KCNC2: variants seen among roughly 807,000 people sequenced by gnomAD.
The protein encoded by KCNC2 is potassium voltage-gated channel subfamily C member 2.
Under a neutral mutation model 44.5 loss-of-function variants are expected in KCNC2, and 21 were observed. The observed-to-expected ratio is 0.47, with a 90% CI of 0.33 to 0.68. The LOEUF is 0.68. KCNC2 is among the 30% of genes least tolerant of loss of function. KCNC2 has a pLI of 0.01. For synonymous variants in KCNC2, 391 were observed against 339.1 expected, an observed-to-expected ratio of 1.15 and a Z score of -1.68; for missense variants, 589 against 826.2, an observed-to-expected ratio of 0.71 and a Z score of 3.52.
chr12:75,169,483 T>C (rs1174187080), intron 2 of KCNC2, among the ~76,000 whole-genome samples: 1 of 151,588 alleles, frequency 6.6e-6, no homozygotes, highest in Non-Finnish European at 1.5e-5. Flanking sequence ...AAAAGAGATA[T>C]AGGAAGATGG....
intron 2 of KCNC2, among the ~76,000 whole-genome samples, chr12:75,118,352 C>A (rs1378963570): frequency 6.6e-6 from 1 of 151,936 alleles, no homozygotes; most frequent in Non-Finnish European, 1.5e-5. Context: ...AGCAGGTAAA[C>A]AAATAAATTT....
intron 2 of KCNC2, among the ~76,000 whole-genome samples, chr12:75,086,660 CAAA>C (rs751242858): frequency 2.6e-5 from 3 of 116,996 alleles, no homozygotes; most frequent in African/African-American, 6.1e-5. Flanking sequence ...GTTCATTTGG[CAAA>C]AAAAAAAAAA....
intron 2 of KCNC2, among the ~76,000 whole-genome samples, chr12:75,167,416 GCTT>G (rs1188525985): frequency 2.0e-5 from 3 of 151,170 alleles, no homozygotes; most frequent in Admixed American, 6.6e-5. Context: ...TAAAATAAAA[GCTT>G]CTTATGAATC....
At chr12:75,043,424 G>A (rs534534076) in intron 4 of KCNC2, 183 bp from the exon 5 acceptor site, 45 of 1,340,802 alleles carry the variant, frequency 3.4e-5, no homozygotes, top group East Asian at 2.5e-4. Context: ...TTGCCATTTT[G>A]AAAAGATTAA....
intron 2 of KCNC2, among the ~76,000 whole-genome samples, chr12:75,185,623 T>A (rs1892887003): frequency 6.6e-6 from 1 of 151,960 alleles, no homozygotes; most frequent in African/African-American, 2.4e-5. Flanking sequence ...TCCAAAAAAA[T>A]TTTGTTCTCT....
chr12:75,199,597 T>C (rs1233089361), intron 2 of KCNC2, among the ~76,000 whole-genome samples: 1 of 151,912 alleles, frequency 6.6e-6, no homozygotes, highest in East Asian at 1.9e-4. Context: ...TCAGGGAAAT[T>C]GTTTTTTCTG....
At chr12:75,140,286 A>T (rs1282184341) in intron 2 of KCNC2, 1 of 152,188 alleles carries the variant, frequency 6.6e-6, no homozygotes, top group Non-Finnish European at 1.5e-5. Flanking sequence ...AACTGGCCAA[A>T]GTAAGTCGGA....
At chr12:75,132,539 G>C (rs556169008) in intron 2 of KCNC2, among the ~76,000 whole-genome samples, 1 of 152,154 alleles carries the variant, frequency 6.6e-6, no homozygotes, top group South Asian at 2.1e-4. Context: ...ATGAATACCA[G>C]GGATTTTAGG....
At chr12:75,120,545 T>G (rs1887978258) in intron 2 of KCNC2, among the ~76,000 whole-genome samples, 2 of 152,168 alleles carry the variant, frequency 1.3e-5, no homozygotes, top group Non-Finnish European at 2.9e-5. Flanking sequence ...CTCTTGAACT[T>G]CTGAAGCTGC....
intron 2 of KCNC2, among the ~76,000 whole-genome samples, chr12:75,156,520 C>A (rs1890772570): frequency 1.3e-5 from 2 of 151,736 alleles, no homozygotes; most frequent in South Asian, 2.1e-4. Context: ...AGTGTATTGA[C>A]CCTGCTTTAA....
intron 2 of KCNC2, among the ~76,000 whole-genome samples, chr12:75,131,880 A>G (rs1888871193): frequency 6.6e-6 from 1 of 152,210 alleles, no homozygotes; most frequent in Admixed American, 6.5e-5. Context: ...ACCTTCAGGA[A>G]GGAATACCGT....
chr12:75,064,256 T>C (rs1012626329), intron 2 of KCNC2, among the ~76,000 whole-genome samples: 2 of 152,090 alleles, frequency 1.3e-5, no homozygotes, highest in African/African-American at 4.8e-5. Flanking sequence ...TAAGTTGCTA[T>C]AAAATATTAT....
rs1465390832 is a variant in KCNC2, at chr12:75,081,738, GA to G, written c.688-30422del. 4.0e-5 allele frequency among the ~76,000 whole-genome samples: 6 copies of G among 151,756 alleles called. 1 individual carries two copies. Among genetic ancestry groups the G allele is most frequent in the South Asian group, 2.1e-4 (1 of 4,826 alleles). On this transcript the variant is annotated intron_variant, in intron 2 of 4. Coordinates refer to ENST00000549446, the MANE Select transcript of KCNC2 (RefSeq NM_139137.4). The stretch of plus-strand genomic sequence containing the variant: ...AAATATACTAACTTTTTGTACCTCA[GA>G]AAAAAAGTCATAAATGCTTCAAAGG...
chr12:75,113,783 G>A (rs935942409), intron 2 of KCNC2, among the ~76,000 whole-genome samples: 6 of 152,150 alleles, frequency 3.9e-5, no homozygotes, highest in African/African-American at 1.4e-4. Flanking sequence ...ATTCTGAAGT[G>A]CAGTCTTGTC....
intron 2 of KCNC2, among the ~76,000 whole-genome samples, chr12:75,194,370 A>G (rs564758205): frequency 6.6e-6 from 1 of 152,288 alleles, no homozygotes; most frequent in South Asian, 2.1e-4. Flanking sequence ...AAGAAACTCC[A>G]AGAATTGCAA....
intron 2 of KCNC2, among the ~76,000 whole-genome samples, chr12:75,171,552 C>T (rs1483122731): frequency 6.6e-6 from 1 of 151,674 alleles, no homozygotes; most frequent in African/African-American, 2.4e-5. Flanking sequence ...CAAAGCAAGA[C>T]AAATATCATA....
intron 2 of KCNC2, among the ~76,000 whole-genome samples, chr12:75,169,880 T>G (rs529278810): frequency 7.9e-5 from 12 of 151,740 alleles, no homozygotes; most frequent in Non-Finnish European, 1.8e-4. Context: ...TGTCATTAAC[T>G]GCTGTTGAAA....
chr12:75,207,755 AGCC>A lies in KCNC2; in HGVS notation c.226_228del (p.Gly76del). On this transcript the variant is annotated inframe_deletion, in exon 2 of 5. Coordinates refer to ENST00000549446, the MANE Select transcript of KCNC2 (RefSeq NM_139137.4). This position sits in a 1 kb window ranked among gnomAD's most constrained non-coding sequence, Gnocchi z 4.1. ...CAGTTGCCCGCGCCGCCCTCGAAGC[AGCC>A]GCCTGGCCCGGGGGACAGCGGGGGC... is the stretch of plus-strand genomic sequence containing the variant. 1 of 1,569,268 alleles carries A rather than the reference AGCC, an allele frequency of 6.4e-7. No homozygotes were observed. Among genetic ancestry groups the A allele is most frequent in the South Asian group, 1.1e-5 (1 of 87,168 alleles).
chr12:75,071,551 C>A (rs1005786548), intron 2 of KCNC2, among the ~76,000 whole-genome samples: 9 of 152,172 alleles, frequency 5.9e-5, no homozygotes, highest in African/African-American at 2.2e-4. Flanking sequence ...ATGCTTTCTA[C>A]TAAAACTGTA....
Sources: allele counts gnomAD v4.1 joint callset (sites outside exome capture counted in the v4.1 genomes callset), GRCh38; gene constraint gnomAD v4.1.1; non-coding constraint Gnocchi (gnomAD v3.1); transcripts MANE v1.5; gene names NCBI Gene and HGNC (gene_info 2026-07-23, HGNC 2026-07-21).